The following DEPDC5 variants were observed in gnomAD, a reference collection of about 807,000 sequenced individuals.
The protein encoded by DEPDC5 is GATOR1 complex protein DEPDC5.
DEPDC5 carries 73 observed loss-of-function variants against 217.3 expected under a neutral mutation model. The ratio of observed to expected loss-of-function variants is 0.34; its 90% CI spans 0.28 to 0.41. The LOEUF (loss-of-function observed/expected upper bound fraction) is 0.41, where lower values mean the gene tolerates loss of function less well. Ranked by LOEUF, DEPDC5 falls within the 10% of genes least tolerant of loss-of-function variation. DEPDC5 has a pLI of 1.00. For synonymous variants in DEPDC5, 733 were observed against 756.7 expected (o/e 0.97, Z 0.51); for missense variants, 1,675 against 2,070.1 (o/e 0.81, Z 3.70).
At chr22:31,773,978 G>A (rs2083586152) in intron 7 of DEPDC5, among the ~76,000 whole-genome samples, 1 of 152,082 alleles carries the variant, frequency 6.6e-6, no homozygotes, top group Admixed American at 6.6e-5. Context: ...GGCTGAGGCA[G>A]GAGAATTGCT....
At chr22:31,854,867 G>T (rs1239194205) in intron 31 of DEPDC5, among the ~76,000 whole-genome samples, 1 of 151,884 alleles carries the variant, frequency 6.6e-6, no homozygotes. Flanking sequence ...TAAATTGCAA[G>T]GATAAGGAGA....
intron 40 of DEPDC5, among the ~76,000 whole-genome samples, chr22:31,901,242 CAAA>C (rs1241211030): frequency 7.2e-5 from 7 of 97,348 alleles, no homozygotes; most frequent in Admixed American, 1.1e-4. Context: ...GACTCTCCCT[CAAA>C]AAAAAAAAAA....
chr22:31,754,505 T>G (rs1258858701), intron 1 of DEPDC5, among the ~76,000 whole-genome samples: 1 of 152,266 alleles, frequency 6.6e-6, no homozygotes, highest in Non-Finnish European at 1.5e-5. Flanking sequence ...TTTCATCATC[T>G]ACAAAATGAG....
chr22:31,842,985 C>T (rs916322026), intron 27 of DEPDC5, 110 bp from the exon 28 acceptor site: 3 of 748,202 alleles, frequency 4.0e-6, no homozygotes, highest in Non-Finnish European at 6.3e-6. Flanking sequence ...ATGAAACTGC[C>T]CCTAAGAGAA....
chr22:31,804,942 G>C (rs2087334682), intron 17 of DEPDC5, 27 bp downstream of exon 17: 2 of 1,597,654 alleles, frequency 1.3e-6, no homozygotes, highest in East Asian at 2.2e-5. Context: ...TCAATAGTAG[G>C]TGATAAGCGT....
chr22:31,873,711 G>GTATAGGTAT (rs912522455), intron 35 of DEPDC5: 5 of 173,866 alleles, frequency 2.9e-5, no homozygotes, highest in Non-Finnish European at 4.8e-5. Context: ...TGCCTGACAA[G>GTATAGGTAT]TATAGGTATT....
intron 4 of DEPDC5, among the ~76,000 whole-genome samples, chr22:31,760,982 G>GTT (rs201553511): frequency 1.7e-4 from 23 of 139,146 alleles, no homozygotes; most frequent in Admixed American, 1.4e-4. Context: ...TCTTAACATT[G>GTT]TTTTTTTTTT....
chr22:31,828,319 C>G (rs1413628992), intron 24 of DEPDC5, among the ~76,000 whole-genome samples: 1 of 152,018 alleles, frequency 6.6e-6, no homozygotes. Flanking sequence ...GGCGTGGTGG[C>G]GCATGCCTGT....
At chr22:31,798,551 GTTT>G in intron 13 of DEPDC5, 28 bp from the exon 14 acceptor site, 1 of 1,583,198 alleles carries the variant, frequency 6.3e-7, no homozygotes. Flanking sequence ...TTCATGAGAT[GTTT>G]TTCTTTCTCT....
chr22:31,856,791 T>G (rs533082044), intron 31 of DEPDC5, among the ~76,000 whole-genome samples: 1 of 152,232 alleles, frequency 6.6e-6, no homozygotes, highest in African/African-American at 2.4e-5. Flanking sequence ...GTTTGTTTGT[T>G]TGTTTGTTTG....
intron 25 of DEPDC5, among the ~76,000 whole-genome samples, chr22:31,835,680 AAC>A (rs2148939669): frequency 6.6e-6 from 1 of 152,310 alleles, no homozygotes; most frequent in African/African-American, 2.4e-5. Context: ...AGGAAGTAAA[AAC>A]AAGCTCACCT....
At chr22:31,779,961 T>C (rs1436188648) in intron 8 of DEPDC5, among the ~76,000 whole-genome samples, 2 of 152,188 alleles carry the variant, frequency 1.3e-5, no homozygotes, top group Non-Finnish European at 2.9e-5. Flanking sequence ...ATTTAAATCA[T>C]GATGGCCAGA....
intron 32 of DEPDC5, 178 bp downstream of exon 32, chr22:31,857,731 T>G (rs2092358304): frequency 1.9e-6 from 1 of 523,212 alleles, no homozygotes. Flanking sequence ...ACTTTCTTAT[T>G]CACAGTTGTA....
At position 31,882,295 on chromosome 22, in the gene DEPDC5, T is replaced by G. The variant is rs145832299; in HGVS notation, c.4033+2543T>G. Among the ~76,000 whole-genome samples, 18 of 152,328 alleles carry G rather than the reference T, an allele frequency of 1.2e-4. No homozygotes were observed. In the East Asian group the frequency reaches 3.5e-3, roughly 29 times the overall value. ...CAAGGAACTAAGCCTGAAAGCTAGC[T>G]AGGTGCTTTCAGATACGCACCAAAG... On this transcript the variant is annotated intron_variant, in intron 38 of 42. Transcript: ENST00000651528.
At chr22:31,835,747 GT>G (rs2090946677) in intron 25 of DEPDC5, among the ~76,000 whole-genome samples, 1 of 152,228 alleles carries the variant, frequency 6.6e-6, no homozygotes, top group African/African-American at 2.4e-5. Context: ...TCGGGCCTAT[GT>G]TTTGGATTCC....
At chr22:31,833,142 A>G (rs1432552590) in intron 24 of DEPDC5, among the ~76,000 whole-genome samples, 3 of 152,228 alleles carry the variant, frequency 2.0e-5, no homozygotes, top group Non-Finnish European at 4.4e-5. Context: ...AGCTTGCCAC[A>G]GCCTTGAACT....
At chr22:31,770,500 C>T (rs2083245802) in intron 7 of DEPDC5, among the ~76,000 whole-genome samples, 1 of 151,252 alleles carries the variant, frequency 6.6e-6, no homozygotes. Flanking sequence ...CCTGCCTCAG[C>T]CTCGTGAGTT....
At chr22:31,792,605 C>CAAAAAAA in intron 11 of DEPDC5, 140 bp from the exon 12 acceptor site, 3 of 152,162 alleles carry the variant, frequency 2.0e-5, no homozygotes, top group South Asian at 4.4e-5. Flanking sequence ...GACCTTGTCT[C>CAAAAAAA]AAAAAAAAAA....
chr22:31,770,754 G>A (rs1184652035), intron 7 of DEPDC5, among the ~76,000 whole-genome samples: 1 of 149,200 alleles, frequency 6.7e-6, no homozygotes, highest in African/African-American at 2.5e-5. Context: ...ACAGGGTGCA[G>A]TGTAGTCCCT....
Sources: gnomAD v4.1 joint callset for allele counts (sites outside exome capture counted in the v4.1 genomes callset) on GRCh38, gnomAD v4.1.1 for gene constraint, MANE v1.5 for transcripts, NCBI Gene and HGNC (gene_info 2026-07-23, HGNC 2026-07-21) for gene names.